NFIX: variants seen among roughly 807,000 people sequenced by gnomAD.
NFIX encodes the protein nuclear factor I X.
In NFIX, 2 loss-of-function variants were observed where a neutral mutation model predicts 53.3. That is an observed-to-expected ratio of 0.04 (90% confidence interval 0.02 to 0.12). NFIX has a LOEUF of 0.12. NFIX is among the 10% of genes least tolerant of loss of function. The pLI is 1.00. For synonymous variants in NFIX, 244 were observed against 289.0 expected, an observed-to-expected ratio of 0.84 and a Z score of 1.58; for missense variants, 310 against 674.5, an observed-to-expected ratio of 0.46 and a Z score of 5.99.
At chr19:13,062,023 G>T (rs922776768) in intron 2 of NFIX, among the ~76,000 whole-genome samples, 2 of 152,084 alleles carry the variant, frequency 1.3e-5, no homozygotes, top group African/African-American at 4.8e-5. Context: ...CTGGAAATTT[G>T]CAGTCAAAGG....
At chr19:13,024,800 T>TG (rs2013189567) in intron 1 of NFIX, 1 of 1,421,648 alleles carries the variant, frequency 7.0e-7, no homozygotes, top group Non-Finnish European at 9.6e-7. Context: ...GAGGCTGAGA[T>TG]GGGAGCAAGT....
At chr19:13,065,102 C>T (rs1336967010) in intron 2 of NFIX, among the ~76,000 whole-genome samples, 2 of 152,128 alleles carry the variant, frequency 1.3e-5, no homozygotes, top group African/African-American at 2.4e-5. Flanking sequence ...CTCCTACCCT[C>T]CATTTCAGCA....
intron 2 of NFIX, among the ~76,000 whole-genome samples, chr19:13,044,482 C>A (rs943936082): frequency 7.9e-5 from 12 of 152,072 alleles, no homozygotes; most frequent in Non-Finnish European, 1.6e-4. Flanking sequence ...CAGCTTAATT[C>A]ACACCCCAAC....
rs925312521 is a variant in NFIX, at chr19:13,002,050, C to G, written c.27+6186C>G. Among the ~76,000 whole-genome samples, 1 of 152,148 alleles carries G rather than the reference C, an allele frequency of 6.6e-6. No individual in the cohort carries two copies. Among genetic ancestry groups the G allele is most frequent in the Non-Finnish European group, 1.5e-5 (1 of 68,008 alleles). ...GTTCTAGCCTGGCCAGCTGGGTGTC[C>G]GGCTGTCTCCGTGGGCCTGAGCCCA... is the stretch of plus-strand genomic sequence containing the variant. On this transcript the variant is annotated intron_variant, in intron 1 of 10. Coordinates refer to ENST00000592199, the MANE Select transcript of NFIX (RefSeq NM_001365902.3). This position sits in a 1 kb window ranked among gnomAD's most constrained non-coding sequence, Gnocchi z 6.1.
chr19:13,061,605 CCG>C (rs1301911111), intron 2 of NFIX, among the ~76,000 whole-genome samples: 1 of 152,188 alleles, frequency 6.6e-6, no homozygotes, highest in Non-Finnish European at 1.5e-5. Context: ...GCTTCCTGAG[CCG>C]CGCCGCTCCC....
chr19:13,023,875 T>G, intron 1 of NFIX: 1 of 637,288 alleles, frequency 1.6e-6, no homozygotes, highest in South Asian at 1.8e-5. Context: ...GCCCGGCCCC[T>G]ATTCCCCAGA....
chr19:13,086,312 A>T (rs1403336863), intron 8 of NFIX, among the ~76,000 whole-genome samples: 3 of 152,102 alleles, frequency 2.0e-5, no homozygotes, highest in Admixed American at 6.6e-5. Context: ...ACCTGAGCTG[A>T]TGTGGATTTG....
At position 13,040,767 on chromosome 19, in the gene NFIX, C is replaced by T. The variant is rs1258100977; in HGVS notation, c.559+15215C>T. Among the ~76,000 whole-genome samples, 2 of 152,170 alleles carry T rather than the reference C, an allele frequency of 1.3e-5. No individual in the cohort carries two copies. The highest frequency in any genetic ancestry group is 2.4e-5 in the African/African-American group (1 of 41,436). On this transcript the variant is annotated intron_variant, in intron 2 of 10. Coordinates refer to ENST00000592199, the MANE Select transcript of NFIX (RefSeq NM_001365902.3). The surrounding 1 kb of genome is among the most constrained non-coding windows in gnomAD (Gnocchi z 4.2). Reference sequence around the variant, plus strand: ...GAGGGAGGTTTGTCTTTCACACACTCGCGCACACACACAGCCACTTCTCGA... The same window carrying T: ...GAGGGAGGTTTGTCTTTCACACACTTGCGCACACACACAGCCACTTCTCGA...
rs1359813119 is a variant in NFIX, at chr19:13,006,968, T to C, written c.27+11104T>C. 6.6e-6 allele frequency among the ~76,000 whole-genome samples: 1 copy of C among 152,112 alleles called. No individual in the cohort carries two copies. The highest frequency in any genetic ancestry group is 1.5e-5 in the Non-Finnish European group (1 of 67,996). On this transcript the variant is annotated intron_variant, in intron 1 of 10. Coordinates refer to ENST00000592199, the MANE Select transcript of NFIX (RefSeq NM_001365902.3). This position sits in a 1 kb window ranked among gnomAD's most constrained non-coding sequence, Gnocchi z 5.6. ...TGGGGGTGGGGAAGTGCTGGGCGCC[T>C]CCAGGCCCCTGCTTGTCCCGTGCCA... is the stretch of plus-strand genomic sequence containing the variant.
chr19:13,071,014 A>T (rs747969860), intron 2 of NFIX: 1 of 152,420 alleles, frequency 6.6e-6, no homozygotes, highest in Non-Finnish European at 1.5e-5. Context: ...GGCCGCTCCC[A>T]TGGGGTGGAC....
rs1408025593 is a variant in NFIX at position 13,036,347 on chromosome 19, C to T, written c.559+10795C>T. Among the ~76,000 whole-genome samples, 1 of 152,152 alleles carries T rather than the reference C, an allele frequency of 6.6e-6. No individual in the cohort carries two copies. The highest frequency in any genetic ancestry group is 1.5e-5 in the Non-Finnish European group (1 of 68,030). On this transcript the variant is annotated intron_variant, in intron 2 of 10. Coordinates refer to ENST00000592199, the MANE Select transcript of NFIX (RefSeq NM_001365902.3). The surrounding 1 kb of genome is among the most constrained non-coding windows in gnomAD (Gnocchi z 4.7). Reference sequence around the variant, plus strand: ...GTTTGTTTTGGGTTTAACAATACAGCAGGGAGAAGAGTGGCAGAGGAAGAA... The same window carrying T: ...GTTTGTTTTGGGTTTAACAATACAGTAGGGAGAAGAGTGGCAGAGGAAGAA...
At position 13,012,207 on chromosome 19, in the gene NFIX, C is replaced by G. The variant is rs2012392230; in HGVS notation, c.28-12814C>G. 2.0e-5 allele frequency: 3 copies of G among 152,378 alleles called. No homozygotes were observed. In the South Asian group the frequency reaches 6.2e-4, roughly 32 times the overall value. 9.4% of individuals were successfully genotyped at this position (152,378 alleles called of 1,614,324 possible). A position where few individuals can be genotyped will look rare whatever the true frequency, so the allele number is the denominator to read the frequency against. On this transcript the variant is annotated intron_variant, in intron 1 of 10. Coordinates refer to ENST00000592199, the MANE Select transcript of NFIX (RefSeq NM_001365902.3). The surrounding 1 kb of genome is among the most constrained non-coding windows in gnomAD (Gnocchi z 5.0). ...TGTGTGGCATGTACCAGGCTGGCTCCGACGACGGAACCGCCATGGGTGCTG... is the reference window on the plus strand; with the variant it reads ...TGTGTGGCATGTACCAGGCTGGCTCGGACGACGGAACCGCCATGGGTGCTG...
rs1279357481 is a variant in NFIX, at chr19:13,072,609, TG to T, written c.560-435del. ...GAGAGATGGTCTCTGACTTCTCTCT[TG>T]GGACCCCTCTTTGCTCCTGACTCTT... On this transcript the variant is annotated intron_variant, in intron 2 of 10. Coordinates refer to ENST00000592199, the MANE Select transcript of NFIX (RefSeq NM_001365902.3). The surrounding 1 kb of genome is among the most constrained non-coding windows in gnomAD (Gnocchi z 4.0). 1.3e-5 allele frequency among the ~76,000 whole-genome samples: 2 copies of T among 152,220 alleles called. No homozygotes were observed. Among genetic ancestry groups the T allele is most frequent in the Non-Finnish European group, 2.9e-5 (2 of 68,026 alleles).
rs1223582097 is a variant in NFIX, at chr19:13,088,448, G to T, written c.1402+312G>T. The stretch of plus-strand genomic sequence containing the variant: ...AGGGGTGCTGGCGGGGGTGGGAGGG[G>T]GCGGGGAGGCACAGCCATGCCATCT... On this transcript the variant is annotated intron_variant, in intron 9 of 10. Transcript: ENST00000592199. The surrounding 1 kb of genome is among the most constrained non-coding windows in gnomAD (Gnocchi z 5.9). Among the ~76,000 whole-genome samples the T allele has an allele frequency of 1.3e-5, 2 of 152,114 alleles. No individual in the cohort carries two copies. The highest frequency in any genetic ancestry group is 2.9e-5 in the Non-Finnish European group (2 of 68,014).
intron 1 of NFIX, 27 bp from the exon 2 acceptor site, chr19:13,024,994 C>A: frequency 6.4e-7 from 1 of 1,569,300 alleles, no homozygotes; most frequent in East Asian, 2.4e-5. Context: ...TCCCTCGCCC[C>A]GCATGCTCCC....
intron 2 of NFIX, chr19:13,070,857 GTC>G (rs2016733925): frequency 6.6e-6 from 1 of 152,348 alleles, no homozygotes; most frequent in Non-Finnish European, 1.5e-5. Context: ...AGCCCTATTT[GTC>G]TCTGCCTCAG....
intron 1 of NFIX, among the ~76,000 whole-genome samples, chr19:13,019,363 T>C (rs2012837518): frequency 6.6e-6 from 1 of 152,228 alleles, no homozygotes; most frequent in Admixed American, 6.5e-5. Context: ...AGGTCTGTTG[T>C]GTAGAGTTTT....
rs1236773879 is a variant in NFIX at position 13,037,645 on chromosome 19, C to A, written c.559+12093C>A. On this transcript the variant is annotated intron_variant, in intron 2 of 10. Transcript: ENST00000592199. This position sits in a 1 kb window ranked among gnomAD's most constrained non-coding sequence, Gnocchi z 4.2. The stretch of plus-strand genomic sequence containing the variant: ...GAAGAAGGCTGGATGACCAACTCGT[C>A]CTGGTTTGCTCAGAGTTTCACAGCC... 6.6e-6 allele frequency among the ~76,000 whole-genome samples: 1 copy of A among 152,200 alleles called. No individual in the cohort carries two copies. Among genetic ancestry groups the A allele is most frequent in the Non-Finnish European group, 1.5e-5 (1 of 68,038 alleles).
At chr19:13,063,005 C>T (rs1450054891) in intron 2 of NFIX, among the ~76,000 whole-genome samples, 1 of 152,148 alleles carries the variant, frequency 6.6e-6, no homozygotes, top group African/African-American at 2.4e-5. Context: ...CTGAGGTTTC[C>T]TGGATGGATT....
Sources: gnomAD v4.1 joint callset for allele counts (sites outside exome capture counted in the v4.1 genomes callset) on GRCh38, gnomAD v4.1.1 for gene constraint, Gnocchi (gnomAD v3.1) non-coding constraint, MANE v1.5 for transcripts, NCBI Gene and HGNC (gene_info 2026-07-23, HGNC 2026-07-21) for gene names.